The following MME variants were observed in gnomAD, a reference collection of about 807,000 sequenced individuals.
MME encodes membrane metalloendopeptidase.
Under a neutral mutation model 113.2 loss-of-function variants are expected in MME, and 98 were observed. That is an observed-to-expected ratio of 0.87 (90% CI 0.74 to 1.02). MME has a LOEUF of 1.02. Ranked by LOEUF, MME falls within the 50% of genes least tolerant of loss-of-function variation. The pLI, the probability that MME is intolerant of heterozygous loss-of-function variation, is 0.00. For synonymous variants in MME, 292 were observed against 300.6 expected, an observed-to-expected ratio of 0.97 and a Z score of 0.30; for missense variants, 836 against 896.0, an observed-to-expected ratio of 0.93 and a Z score of 0.86.
At chr3:155,152,129 C>T (rs1721979948) in intron 16 of MME, among the ~76,000 whole-genome samples, 1 of 152,142 alleles carries the variant, frequency 6.6e-6, no homozygotes, top group South Asian at 2.1e-4. Flanking sequence ...CACCCTACAC[C>T]TCACCATTGT....
intron 3 of MME, among the ~76,000 whole-genome samples, chr3:155,086,443 C>G (rs1715734015): frequency 2.6e-5 from 4 of 152,048 alleles, no homozygotes; most frequent in Admixed American, 2.6e-4. Context: ...TAGTGGAAGC[C>G]TTGGAAGTAT....
At chr3:155,082,730 T>A (rs1715265236) in intron 1 of MME, among the ~76,000 whole-genome samples, 1 of 152,224 alleles carries the variant, frequency 6.6e-6, no homozygotes, top group African/African-American at 2.4e-5. Context: ...TAAGACTTTG[T>A]ATCCAGAACT....
chr3:155,136,870 C>T lies in MME; in HGVS notation c.721-1232C>T, dbSNP rs562867970. 1.0e-3 allele frequency among the ~76,000 whole-genome samples: 157 copies of T among 152,252 alleles called. 1 individual carries two copies. The highest frequency in any genetic ancestry group is 3.7e-3 in the African/African-American group (155 of 41,554). ...CTTTGTATTTACCCTGCAAACAAGT[C>T]TTTGAAGCATAGAAATCTCACCTAT... On this transcript the variant is annotated intron_variant, in intron 8 of 22. Coordinates refer to ENST00000360490, the MANE Select transcript of MME (RefSeq NM_007289.4).
At chr3:155,117,106 G>A (rs1362357015) in intron 7 of MME, 120 bp downstream of exon 7, 1 of 717,432 alleles carries the variant, frequency 1.4e-6, no homozygotes, top group Non-Finnish European at 2.5e-6. Flanking sequence ...TAAGCAAGGA[G>A]GTAGTATATC....
intron 16 of MME, among the ~76,000 whole-genome samples, chr3:155,149,045 T>C (rs1004033358): frequency 2.0e-5 from 3 of 152,120 alleles, no homozygotes; most frequent in Middle Eastern, 3.2e-3. Flanking sequence ...ACCTTTTTTC[T>C]ATCAGTCAAT....
chr3:155,181,619 C>G lies in MME; in HGVS notation c.*1160C>G, dbSNP rs1013449056. On this transcript the variant is annotated 3_prime_UTR_variant, in exon 23 of 23. Coordinates refer to ENST00000360490, the MANE Select transcript of MME (RefSeq NM_007289.4). ...CCCTAAGACTGTGACAACTGTCTAA[C>G]TTTAGAAGTGCATTTCTGAATAGAA... The G allele has an allele frequency of 6.6e-6, 1 of 152,104 alleles. No individual in the cohort carries two copies. Among genetic ancestry groups the G allele is most frequent in the East Asian group, 1.9e-4 (1 of 5,186 alleles). 9.4% of individuals were successfully genotyped at this position (152,104 alleles called of 1,614,324 possible). A position where few individuals can be genotyped will look rare whatever the true frequency, so the allele number is the denominator to read the frequency against.
chr3:155,134,505 G>A (rs1219442290), intron 8 of MME, among the ~76,000 whole-genome samples: 1 of 152,126 alleles, frequency 6.6e-6, no homozygotes, highest in Non-Finnish European at 1.5e-5. Flanking sequence ...ATTCCAGGGT[G>A]TATATGTACC....
chr3:155,067,179 T>C (rs1272745688), intron 1 of MME, among the ~76,000 whole-genome samples: 1 of 150,172 alleles, frequency 6.7e-6, no homozygotes, highest in Non-Finnish European at 1.5e-5. Flanking sequence ...CCAACAATTA[T>C]TTGGGAGAAA....
At chr3:155,062,587 G>A (rs1445854685) in intron 1 of MME, among the ~76,000 whole-genome samples, 1 of 151,990 alleles carries the variant, frequency 6.6e-6, no homozygotes, top group African/African-American at 2.4e-5. Flanking sequence ...CAAGGCACAT[G>A]AGAATAAAAA....
intron 16 of MME, among the ~76,000 whole-genome samples, chr3:155,154,877 T>A (rs576650840): frequency 1.4e-4 from 21 of 152,258 alleles, no homozygotes; most frequent in African/African-American, 4.6e-4. Flanking sequence ...GGAGATGATT[T>A]GTAAAAAGGA....
intron 1 of MME, among the ~76,000 whole-genome samples, chr3:155,051,060 A>G (rs1465609816): frequency 3.9e-5 from 6 of 152,232 alleles, no homozygotes; most frequent in Non-Finnish European, 5.9e-5. Context: ...GCTCGTAGAA[A>G]AATGTGGCAG....
chr3:155,118,985 A>G (rs1173824604), intron 8 of MME, among the ~76,000 whole-genome samples, 174 bp downstream of exon 8: 1 of 152,234 alleles, frequency 6.6e-6, no homozygotes, highest in Admixed American at 6.5e-5. Context: ...AACATTCTCA[A>G]TAGAATGAAT....
In MME at chr3:155,137,444, C is replaced by T. The variant is rs556630273; in HGVS notation, c.721-658C>T. 7.9e-5 allele frequency among the ~76,000 whole-genome samples: 12 copies of T among 152,278 alleles called. No individual in the cohort carries two copies. In the South Asian group the frequency reaches 8.3e-4, roughly 11 times the overall value. ...TATTATGGCTGAGCATGGTGGCTCA[C>T]GCCTGTAATCCCAGCACTTTGGGAG... is the stretch of plus-strand genomic sequence containing the variant. On this transcript the variant is annotated intron_variant, in intron 8 of 22. Coordinates refer to ENST00000360490, the MANE Select transcript of MME (RefSeq NM_007289.4).
intron 1 of MME, among the ~76,000 whole-genome samples, chr3:155,047,967 T>C (rs990997278): frequency 3.3e-5 from 5 of 152,176 alleles, no homozygotes; most frequent in African/African-American, 1.2e-4. Context: ...GTGTTTTGAG[T>C]AGTCTAGTTA....
chr3:155,040,640 A>AT (rs1198007463), intron 1 of MME, among the ~76,000 whole-genome samples: 3 of 152,054 alleles, frequency 2.0e-5, no homozygotes, highest in African/African-American at 7.2e-5. Flanking sequence ...GATGTAATAA[A>AT]TGTTAATATT....
intron 8 of MME, among the ~76,000 whole-genome samples, chr3:155,136,344 TA>T (rs1306755121): frequency 1.3e-5 from 2 of 152,218 alleles, no homozygotes; most frequent in Non-Finnish European, 2.9e-5. Context: ...TAAGGGTTTT[TA>T]TTATGAAAGG....
At chr3:155,041,989 T>C (rs1295162460) in intron 1 of MME, among the ~76,000 whole-genome samples, 1 of 152,208 alleles carries the variant, frequency 6.6e-6, no homozygotes, top group Non-Finnish European at 1.5e-5. Context: ...AGAAACTTTC[T>C]TGAGATCGAA....
rs560995914 is a variant in MME at position 155,168,510 on chromosome 3, A to G, written c.1799A>G (p.Asp600Gly). ...ATTATAGGCAGAAACTTTAACAAAG[A>G]TGGAGACCTCGTTGACTGGTGGACT... ...FDDNGRNFNKDGDLVDWWTQQ... is the reference protein window; with the variant it reads ...FDDNGRNFNKGGDLVDWWTQQ... Residue 600 changes from aspartate to glycine, a missense_variant, in exon 19 of 23, where the codon GAT becomes GGT. Physicochemically the swap from Asp to Gly is moderately conservative, Grantham distance 94. Coordinates refer to ENST00000360490, the MANE Select transcript of MME (RefSeq NM_007289.4). 24 of 1,613,076 alleles carry G rather than the reference A, an allele frequency of 1.5e-5. 1 individual carries two copies. The South Asian group carries it at 2.4e-4, about 16-fold the overall frequency.
chr3:155,118,619 G>C (rs555222719), intron 7 of MME, 127 bp from the exon 8 acceptor site: 1 of 692,260 alleles, frequency 1.4e-6, no homozygotes, highest in Admixed American at 2.3e-5. Flanking sequence ...TTTATTGAGT[G>C]TCTGATGGTC....
Sources: gnomAD v4.1 joint callset for allele counts (sites outside exome capture counted in the v4.1 genomes callset) on GRCh38, gnomAD v4.1.1 for gene constraint, MANE v1.5 for transcripts, NCBI Gene and HGNC (gene_info 2026-07-23, HGNC 2026-07-21) for gene names.